The following LRP1B variants were observed in gnomAD, a reference collection of about 807,000 sequenced individuals.
LRP1B encodes low-density lipoprotein receptor-related protein 1B.
LRP1B carries 217 observed loss-of-function variants against 556.6 expected under a neutral mutation model. The ratio of observed to expected loss-of-function variants is 0.39; its 90% CI spans 0.35 to 0.44. The LOEUF (loss-of-function observed/expected upper bound fraction) is 0.44, where lower values mean the gene tolerates loss of function less well. LRP1B is among the 20% of genes least tolerant of loss of function. LRP1B has a pLI of 1.00. For synonymous variants in LRP1B, 2,047 were observed against 1,865.8 expected (o/e 1.10, Z -2.50); for missense variants, 5,053 against 5,620.8 (o/e 0.90, Z 3.23).
At chr2:141,879,892 G>T (rs1215412808) in intron 1 of LRP1B, among the ~76,000 whole-genome samples, 3 of 151,860 alleles carry the variant, frequency 2.0e-5, no homozygotes, top group African/African-American at 7.2e-5. Flanking sequence ...ACTATTTGTA[G>T]CTTGTTGATG....
At chr2:141,967,871 A>G (rs956103177) in intron 1 of LRP1B, among the ~76,000 whole-genome samples, 1 of 151,880 alleles carries the variant, frequency 6.6e-6, no homozygotes. Context: ...GGTAACAAGA[A>G]TTAAGAAATA....
chr2:141,786,888 A>G (rs1321457343), intron 2 of LRP1B, among the ~76,000 whole-genome samples: 2 of 152,008 alleles, frequency 1.3e-5, no homozygotes, highest in African/African-American at 4.8e-5. Flanking sequence ...CGCTGCATAC[A>G]TTGAGATGAC....
intron 1 of LRP1B, among the ~76,000 whole-genome samples, chr2:142,069,494 A>C (rs1705233313): frequency 1.8e-4 from 1 of 5,436 alleles, no homozygotes; most frequent in Admixed American, 3.6e-3. Flanking sequence ...CATCTCCCCC[A>C]CCTCTGAACC....
chr2:140,633,328 T>C (rs501027), intron 41 of LRP1B, among the ~76,000 whole-genome samples: 24,186 of 152,014 alleles, frequency 0.16, 2,334 homozygotes, highest in African/African-American at 0.26. Flanking sequence ...AAATCTGTTG[T>C]CTCTTAGAGG....
intron 18 of LRP1B, among the ~76,000 whole-genome samples, chr2:140,977,955 C>T (rs982124668): frequency 2.6e-5 from 4 of 152,122 alleles, no homozygotes; most frequent in Admixed American, 6.6e-5. Context: ...TAGTCTTATC[C>T]TTGAAATTAA....
intron 24 of LRP1B, 143 bp downstream of exon 24, chr2:140,885,995 A>G (rs1693627581): frequency 1.8e-6 from 1 of 564,708 alleles, no homozygotes; most frequent in Admixed American, 3.4e-5. Context: ...GATGCTCAAT[A>G]TCCCTGATTT....
intron 35 of LRP1B, among the ~76,000 whole-genome samples, chr2:140,740,344 T>G (rs1418976333): frequency 6.6e-6 from 1 of 152,152 alleles, no homozygotes; most frequent in Non-Finnish European, 1.5e-5. Flanking sequence ...TAAAAAGGAA[T>G]GAGTTAACAG....
At chr2:141,811,673 A>G (rs931450812) in intron 1 of LRP1B, among the ~76,000 whole-genome samples, 1 of 152,036 alleles carries the variant, frequency 6.6e-6, no homozygotes, top group Non-Finnish European at 1.5e-5. Flanking sequence ...ATTTTATCCT[A>G]TTATATTTTT....
At chr2:141,715,091 CTCTT>C (rs1480477088) in intron 2 of LRP1B, among the ~76,000 whole-genome samples, 1 of 152,146 alleles carries the variant, frequency 6.6e-6, no homozygotes, top group Non-Finnish European at 1.5e-5. Context: ...AAATCACACT[CTCTT>C]TGTAATAGAA....
At chr2:140,352,529 A>C (rs1450418583) in intron 76 of LRP1B, among the ~76,000 whole-genome samples, 1 of 152,102 alleles carries the variant, frequency 6.6e-6, no homozygotes, top group Non-Finnish European at 1.5e-5. Context: ...TCTAAATTTG[A>C]AAGCAAGATC....
At chr2:140,498,665 G>C (rs1689050291) in intron 55 of LRP1B, among the ~76,000 whole-genome samples, 1 of 151,802 alleles carries the variant, frequency 6.6e-6, no homozygotes, top group African/African-American at 2.4e-5. Flanking sequence ...CTCTGAAACA[G>C]AGAAATCTAT....
At chr2:141,168,383 C>T (rs1397110893) in intron 7 of LRP1B, among the ~76,000 whole-genome samples, 1 of 151,974 alleles carries the variant, frequency 6.6e-6, no homozygotes. Flanking sequence ...GAGTCTGTTA[C>T]TTAGAGCAGT....
intron 2 of LRP1B, among the ~76,000 whole-genome samples, chr2:141,692,561 C>T (rs1230391467): frequency 6.6e-6 from 1 of 151,956 alleles, no homozygotes; most frequent in East Asian, 1.9e-4. Context: ...AGCCTAAGGG[C>T]TTCCATTGCC....
At chr2:140,840,152 A>G (rs1692055654) in intron 30 of LRP1B, 67 bp from the exon 31 acceptor site, 11 of 844,298 alleles carry the variant, frequency 1.3e-5, no homozygotes, top group Non-Finnish European at 2.0e-5. Flanking sequence ...AGAAATATAC[A>G]CTAAAAAACA....
At chr2:140,491,351 T>C (rs1293266930) in intron 57 of LRP1B, among the ~76,000 whole-genome samples, 1 of 152,036 alleles carries the variant, frequency 6.6e-6, no homozygotes, top group Non-Finnish European at 1.5e-5. Context: ...GTTATGTACA[T>C]ATGTGTGTGT....
At position 141,580,131 on chromosome 2, in the gene LRP1B, C is replaced by G. The variant is rs190404670; in HGVS notation, c.206-99598G>C. Among the ~76,000 whole-genome samples, 695 of 152,248 alleles carry G rather than the reference C, an allele frequency of 4.6e-3. 7 individuals carry two copies. The highest frequency in any genetic ancestry group is 0.016 in the African/African-American group (671 of 41,538). On this transcript the variant is annotated intron_variant, in intron 2 of 90. Coordinates refer to ENST00000389484, the MANE Select transcript of LRP1B (RefSeq NM_018557.3). ...ACTAGGAATCCTTACTTTCTATAAT[C>G]TCAGTTAGAAATGTGGACATTAAAA...
intron 3 of LRP1B, among the ~76,000 whole-genome samples, chr2:141,342,908 A>G (rs774171055): frequency 2.6e-5 from 4 of 152,146 alleles, no homozygotes; most frequent in Non-Finnish European, 5.9e-5. Flanking sequence ...AGCAACCCCA[A>G]GACACGTAAT....
At position 141,533,306 on chromosome 2, in the gene LRP1B, T is replaced by C. The variant is rs1485344434; in HGVS notation, c.206-52773A>G. On this transcript the variant is annotated intron_variant, in intron 2 of 90. Transcript: ENST00000389484. ...TGAATTCATTAGTTCAATAATTAATTAGTGCGTGAAAGACAACAAATTTTT... is the reference window on the plus strand; with the variant it reads ...TGAATTCATTAGTTCAATAATTAATCAGTGCGTGAAAGACAACAAATTTTT... Among the ~76,000 whole-genome samples, 10 of 150,518 alleles carry C rather than the reference T, an allele frequency of 6.6e-5. No individual in the cohort carries two copies. The Admixed American group carries it at 6.7e-4, about 10-fold the overall frequency.
chr2:140,989,763 T>A (rs1697034118), intron 16 of LRP1B, 106 bp from the exon 17 acceptor site: 1 of 1,061,148 alleles, frequency 9.4e-7, no homozygotes, highest in Non-Finnish European at 1.4e-6. Flanking sequence ...TATAGTACAA[T>A]AAATGTCATA....
Sources: gnomAD v4.1 joint callset for allele counts (sites outside exome capture counted in the v4.1 genomes callset) on GRCh38, gnomAD v4.1.1 for gene constraint, MANE v1.5 for transcripts, NCBI Gene and HGNC (gene_info 2026-07-23, HGNC 2026-07-21) for gene names.